The following ZNF536 variants were observed in gnomAD, a reference collection of about 807,000 sequenced individuals.
ZNF536 encodes zinc finger protein 536.
In ZNF536, 13 loss-of-function variants were observed where a neutral mutation model predicts 84.5. That is an observed-to-expected ratio of 0.15 (90% confidence interval 0.10 to 0.24). The LOEUF (loss-of-function observed/expected upper bound fraction) is 0.24. ZNF536 is among the 10% of genes least tolerant of loss of function. The pLI, the probability that ZNF536 is intolerant of heterozygous loss-of-function variation, is 1.00. For missense variants in ZNF536, 1,536 were observed against 1,747.5 expected, an observed-to-expected ratio of 0.88 and a Z score of 2.16; for synonymous variants, 811 against 742.5, an observed-to-expected ratio of 1.09 and a Z score of -1.50.
At chr19:30,564,433 G>A (rs935825890) in intron 1 of ZNF536, among the ~76,000 whole-genome samples, 1 of 151,890 alleles carries the variant, frequency 6.6e-6, no homozygotes, top group Non-Finnish European at 1.5e-5. Context: ...GAGAGAGAAG[G>A]CCAGCAGAAA....
At chr19:30,617,084 C>T (rs142807198) in intron 1 of ZNF536, among the ~76,000 whole-genome samples, 214 of 151,950 alleles carry the variant, frequency 1.4e-3, no homozygotes, top group African/African-American at 5.0e-3. Flanking sequence ...ATGTTCATTT[C>T]ACCTATTTTC....
intron 1 of ZNF536, among the ~76,000 whole-genome samples, chr19:30,706,129 C>A (rs2052216068): frequency 6.6e-6 from 1 of 152,148 alleles, no homozygotes; most frequent in Non-Finnish European, 1.5e-5. Context: ...GGGAGGGTGG[C>A]TTCCATGTAG....
At chr19:30,680,095 G>A (rs1033758728) in intron 1 of ZNF536, among the ~76,000 whole-genome samples, 21 of 152,212 alleles carry the variant, frequency 1.4e-4, no homozygotes, top group African/African-American at 5.1e-4. Context: ...GTGGGAAAAA[G>A]ACTCCTGGGT....
At chr19:30,633,352 G>C (rs1041958425) in intron 1 of ZNF536, among the ~76,000 whole-genome samples, 1 of 152,166 alleles carries the variant, frequency 6.6e-6, no homozygotes, top group East Asian at 1.9e-4. Flanking sequence ...TAAATACGAC[G>C]TGGGAAGATT....
At chr19:30,375,103 A>G (rs1305831529) in intron 1 of ZNF536, among the ~76,000 whole-genome samples, 1 of 151,430 alleles carries the variant, frequency 6.6e-6, no homozygotes, top group African/African-American at 2.4e-5. Context: ...TGCGTCTCCG[A>G]GACGCCGCCC....
chr19:30,328,600 A>C (rs1039054620), intron 2 of ZNF536, among the ~76,000 whole-genome samples: 3 of 152,222 alleles, frequency 2.0e-5, no homozygotes, highest in Admixed American at 6.5e-5. Flanking sequence ...CATTGGAATC[A>C]TTTTGTAATG....
intron 1 of ZNF536, among the ~76,000 whole-genome samples, chr19:30,584,259 C>T (rs1599882587): frequency 6.6e-6 from 1 of 152,144 alleles, no homozygotes. Context: ...CTGGAAGGAC[C>T]TCCTCTCCCC....
At chr19:30,297,681 G>A (rs1395857325) in intron 2 of ZNF536, among the ~76,000 whole-genome samples, 3 of 152,132 alleles carry the variant, frequency 2.0e-5, no homozygotes, top group Non-Finnish European at 4.4e-5. Flanking sequence ...TCGAGTAAAC[G>A]AGTGGCCAGG....
chr19:30,466,607 A>AGAG (rs1600860368), intron 2 of ZNF536, among the ~76,000 whole-genome samples: 1 of 151,510 alleles, frequency 6.6e-6, no homozygotes, highest in East Asian at 1.9e-4. Context: ...AGAGAGAAAG[A>AGAG]AAAGAGAACT....
Position 30,482,953 on chromosome 19 carries a change from G to A in ZNF536, c.2170+37221G>A, listed in dbSNP as rs538152799. Among the ~76,000 whole-genome samples the A allele has an allele frequency of 5.9e-5, 9 of 152,248 alleles. No homozygotes were observed. The South Asian group carries it at 1.9e-3, about 32-fold the overall frequency. ...CCTTGCTTGGTGCTGTATGCTTCTT[G>A]CTTTGGGCAGACAGGAGCCTGGGGA... On this transcript the variant is annotated intron_variant, in intron 2 of 4. Transcript: ENST00000355537.
chr19:30,621,864 C>G (rs1199356189), intron 1 of ZNF536, among the ~76,000 whole-genome samples: 1 of 152,206 alleles, frequency 6.6e-6, no homozygotes, highest in Non-Finnish European at 1.5e-5. Context: ...CTCTTTCAAA[C>G]CCTCTCCTCT....
Position 30,614,942 on chromosome 19 carries a change from A to ATTTTTT in ZNF536, c.169+65445_169+65450dup, listed in dbSNP as rs555419932. Reference sequence around the variant, plus strand: ...TTTTCTTTTATTCTCCCCCTTTTCAATTTTTTTTTTTTTTTTTTTTTTGAG... The same window carrying ATTTTTT: ...TTTTCTTTTATTCTCCCCCTTTTCAATTTTTTTTTTTTTTTTTTTTTTTTTTTTGAG... On this transcript the variant is annotated intron_variant, in intron 1 of 1. Transcript: ENST00000592773. 0.019 allele frequency among the ~76,000 whole-genome samples: 603 copies of ATTTTTT among 32,286 alleles called. 130 individuals carry two copies. The East Asian group carries it at 0.2, about 11-fold the overall frequency. 21.2% of individuals were successfully genotyped at this position (32,286 alleles called of 152,430 possible).
chr19:30,520,920 C>T (rs929962445), intron 2 of ZNF536, among the ~76,000 whole-genome samples: 10 of 152,182 alleles, frequency 6.6e-5, no homozygotes, highest in African/African-American at 2.4e-4. Context: ...TCGGAAGTGG[C>T]CTCACCAGAC....
rs534556616 is a variant in ZNF536, at chr19:30,662,769, G to A, written c.170-47988G>A. ...TTGTGTTTAAGCTGCCCTGACGGCCGGTCGGGGCTGTGGGAAAAGGCTGAG... is the reference window on the plus strand; with the variant it reads ...TTGTGTTTAAGCTGCCCTGACGGCCAGTCGGGGCTGTGGGAAAAGGCTGAG... On this transcript the variant is annotated intron_variant, in intron 1 of 1. Coordinates refer to the ZNF536 transcript ENST00000592773. Among the ~76,000 whole-genome samples, 39 of 152,136 alleles carry A rather than the reference G, an allele frequency of 2.6e-4. No homozygotes were observed. The East Asian group carries it at 3.7e-3, about 14-fold the overall frequency.
At chr19:30,532,676 G>T (rs2044887132) in intron 2 of ZNF536, among the ~76,000 whole-genome samples, 2 of 142,902 alleles carry the variant, frequency 1.4e-5, no homozygotes, top group Non-Finnish European at 3.0e-5. Flanking sequence ...AATGCAGCAT[G>T]CTCAGGGTTG....
intron 1 of ZNF536, among the ~76,000 whole-genome samples, chr19:30,373,664 G>A (rs1159243245): frequency 6.6e-6 from 1 of 152,196 alleles, no homozygotes; most frequent in Admixed American, 6.5e-5. Flanking sequence ...GAGCACACCT[G>A]GGTCTGACAA....
intron 1 of ZNF536, among the ~76,000 whole-genome samples, chr19:30,688,773 G>A (rs1422907179): frequency 6.6e-6 from 1 of 152,190 alleles, no homozygotes; most frequent in Non-Finnish European, 1.5e-5. Flanking sequence ...TTGCTTCTAA[G>A]GCGAGTGGGT....
rs959289687 is a variant in ZNF536 at position 30,228,644 on chromosome 19, A to G, written c.-219A>G. ...TTTGAAAACCCAAGTGAAAACCGCG[A>G]CGATCTGCACACTCAAAAGCAAGTG... On this transcript the variant is annotated 5_prime_UTR_variant, in exon 1 of 6. Transcript: ENST00000585628. This position sits in a 1 kb window ranked among gnomAD's most constrained non-coding sequence, Gnocchi z 4.5. 3 of 151,472 alleles carry G rather than the reference A, an allele frequency of 2.0e-5. No homozygotes were observed. Among genetic ancestry groups the G allele is most frequent in the African/African-American group, 7.3e-5 (3 of 41,284 alleles). The allele number at this position is 151,472 out of a possible 1,614,324, so 9.4% of individuals were successfully genotyped here. A position where few individuals can be genotyped will look rare whatever the true frequency, so the allele number is the denominator to read the frequency against.
At chr19:30,624,031 T>G (rs922184438) in intron 1 of ZNF536, among the ~76,000 whole-genome samples, 2 of 152,138 alleles carry the variant, frequency 1.3e-5, no homozygotes. Context: ...TTGTGTGACT[T>G]CTCTGCCTCT....
Sources: allele counts gnomAD v4.1 joint callset (sites outside exome capture counted in the v4.1 genomes callset), GRCh38; gene constraint gnomAD v4.1.1; non-coding constraint Gnocchi (gnomAD v3.1); transcripts MANE v1.5; gene names NCBI Gene and HGNC (gene_info 2026-07-23, HGNC 2026-07-21).